PDE4D: variants seen among roughly 807,000 people sequenced by gnomAD.
The protein encoded by PDE4D is phosphodiesterase 4D, also known as 3',5'-cyclic-AMP phosphodiesterase 4D.
In PDE4D, 24 loss-of-function variants were observed where a neutral mutation model predicts 87.4. The observed-to-expected ratio is 0.27, with a 90% CI of 0.20 to 0.39. PDE4D has a LOEUF of 0.39. Among genes scored for constraint, PDE4D ranks in the 10% least tolerant of loss-of-function variants. PDE4D has a pLI of 1.00. For missense variants in PDE4D, 714 were observed against 1,041.0 expected (o/e 0.69, Z 4.32); for synonymous variants, 384 against 383.2 (o/e 1.00, Z -0.02).
chr5:60,001,398 C>A (rs1228325137), intron 2 of PDE4D, among the ~76,000 whole-genome samples: 4 of 152,124 alleles, frequency 2.6e-5, no homozygotes, highest in Admixed American at 6.6e-5. Flanking sequence ...CTGTACCCTG[C>A]AAAGTTAGCC....
intron 2 of PDE4D, among the ~76,000 whole-genome samples, chr5:60,069,409 T>G (rs1399786434): frequency 6.6e-6 from 1 of 152,180 alleles, no homozygotes; most frequent in Non-Finnish European, 1.5e-5. Flanking sequence ...TCCAAACTTC[T>G]GGAACTGTGA....
At chr5:59,956,626 G>A (rs182305481) in intron 3 of PDE4D, among the ~76,000 whole-genome samples, 1 of 152,112 alleles carries the variant, frequency 6.6e-6, no homozygotes, top group Non-Finnish European at 1.5e-5. Flanking sequence ...AATTACAAAA[G>A]AGGCATGCTT....
intron 1 of PDE4D, among the ~76,000 whole-genome samples, chr5:59,693,505 A>AT (rs1751297813): frequency 6.6e-6 from 1 of 152,190 alleles, no homozygotes; most frequent in African/African-American, 2.4e-5. Context: ...TGCAAAGAAA[A>AT]TCACAACTAT....
At chr5:59,272,054 T>C (rs1407416964) in intron 1 of PDE4D, among the ~76,000 whole-genome samples, 1 of 151,972 alleles carries the variant, frequency 6.6e-6, no homozygotes, top group South Asian at 2.1e-4. Context: ...ATAAGTACTA[T>C]TACATATACA....
intron 1 of PDE4D, among the ~76,000 whole-genome samples, chr5:59,268,930 T>G (rs1763310455): frequency 6.6e-6 from 1 of 152,116 alleles, no homozygotes; most frequent in Non-Finnish European, 1.5e-5. Context: ...GACTAACCAT[T>G]CGTATACTCA....
At chr5:59,488,671 ATCT>A (rs1240900055) in intron 1 of PDE4D, among the ~76,000 whole-genome samples, 86 of 129,752 alleles carry the variant, frequency 6.6e-4, no homozygotes, top group Admixed American at 8.4e-4. Flanking sequence ...ACTAGAGATA[ATCT>A]TCTTTTTTTT....
intron 1 of PDE4D, among the ~76,000 whole-genome samples, chr5:60,299,726 T>C (rs1753724175): frequency 6.6e-6 from 1 of 152,216 alleles, no homozygotes; most frequent in African/African-American, 2.4e-5. Context: ...GCAAAGGACA[T>C]GAACTCATCC....
At chr5:60,232,674 T>C (rs1745956093) in intron 1 of PDE4D, among the ~76,000 whole-genome samples, 1 of 151,898 alleles carries the variant, frequency 6.6e-6, no homozygotes, top group African/African-American at 2.4e-5. Flanking sequence ...TAATTATTAC[T>C]AAGCATTTTC....
chr5:59,756,627 C>T lies in PDE4D; in HGVS notation c.455+136541G>A, dbSNP rs377620643. Among the ~76,000 whole-genome samples, 6 of 151,924 alleles carry T rather than the reference C, an allele frequency of 3.9e-5. 1 individual carries two copies. In the South Asian group the frequency reaches 6.2e-4, roughly 16 times the overall value. On this transcript the variant is annotated intron_variant, in intron 1 of 14. Transcript: ENST00000340635. ...TTTCCACTATGGCAATCAAAACCAA[C>T]ATCACCAGGACTTCTAGTCTGGAAG... is the stretch of plus-strand genomic sequence containing the variant.
intron 2 of PDE4D, among the ~76,000 whole-genome samples, chr5:60,140,888 AACTC>A (rs1276493387): frequency 2.6e-5 from 4 of 152,172 alleles, no homozygotes; most frequent in South Asian, 4.1e-4. Flanking sequence ...GAATGTATAA[AACTC>A]ACTCATGTGG....
At chr5:59,868,969 G>A (rs576028689) in intron 1 of PDE4D, among the ~76,000 whole-genome samples, 1 of 152,280 alleles carries the variant, frequency 6.6e-6, no homozygotes, top group East Asian at 1.9e-4. Context: ...TCTTTTGTAA[G>A]GGGCTAACAA....
At chr5:60,107,536 C>G (rs1436342963) in intron 2 of PDE4D, among the ~76,000 whole-genome samples, 2 of 152,114 alleles carry the variant, frequency 1.3e-5, no homozygotes, top group East Asian at 1.9e-4. Flanking sequence ...GATACCAAAG[C>G]CAGGCAGAGA....
chr5:59,622,881 A>G (rs1352009335), intron 1 of PDE4D, among the ~76,000 whole-genome samples: 2 of 152,194 alleles, frequency 1.3e-5, no homozygotes, highest in African/African-American at 2.4e-5. Context: ...AACTCAGCTC[A>G]TATCCCATTA....
chr5:59,184,748 G>C (rs1334087757), intron 4 of PDE4D, among the ~76,000 whole-genome samples: 2 of 152,066 alleles, frequency 1.3e-5, no homozygotes, highest in Non-Finnish European at 2.9e-5. Context: ...GAATGCTGCT[G>C]ATCTGAAAGT....
At position 59,569,187 on chromosome 5, in the gene PDE4D, C is replaced by G. The variant is rs141832827; in HGVS notation, c.455+323981G>C. Among the ~76,000 whole-genome samples, 13 of 152,270 alleles carry G rather than the reference C, an allele frequency of 8.5e-5. No individual in the cohort carries two copies. In the East Asian group the frequency reaches 2.3e-3, roughly 27 times the overall value. On this transcript the variant is annotated intron_variant, in intron 1 of 14. Coordinates refer to ENST00000340635, the MANE Select transcript of PDE4D (RefSeq NM_001104631.2). ...ATACAAACTCTTCTTCACATGTTAACCTCTATCTCCATTTTCTATGTCTAC... is the reference window on the plus strand; with the variant it reads ...ATACAAACTCTTCTTCACATGTTAAGCTCTATCTCCATTTTCTATGTCTAC...
At chr5:59,205,653 AAC>A (rs35509503) in intron 2 of PDE4D, among the ~76,000 whole-genome samples, 5,299 of 136,342 alleles carry the variant, frequency 0.039, 290 homozygotes, top group East Asian at 0.29. Flanking sequence ...CCACTAGCTA[AAC>A]ACACACACAC....
chr5:59,763,716 T>A (rs1174180590), intron 1 of PDE4D, among the ~76,000 whole-genome samples: 1 of 152,096 alleles, frequency 6.6e-6, no homozygotes, highest in African/African-American at 2.4e-5. Context: ...ATAGAGGGAA[T>A]CCCCTACCAG....
At chr5:59,675,324 CATA>C (rs142763776) in intron 1 of PDE4D, among the ~76,000 whole-genome samples, 27,995 of 152,026 alleles carry the variant, frequency 0.18, 3,137 homozygotes, top group South Asian at 0.26. Flanking sequence ...AACTCCCACT[CATA>C]ATGTCACAAC....
At chr5:60,291,995 G>A (rs892884406) in intron 1 of PDE4D, among the ~76,000 whole-genome samples, 4 of 151,888 alleles carry the variant, frequency 2.6e-5, no homozygotes, top group South Asian at 2.1e-4. Flanking sequence ...AGACTTTTTC[G>A]TTACATAGGG....
Sources: gnomAD v4.1 joint callset for allele counts (sites outside exome capture counted in the v4.1 genomes callset) on GRCh38, gnomAD v4.1.1 for gene constraint, MANE v1.5 for transcripts, NCBI Gene and HGNC (gene_info 2026-07-23, HGNC 2026-07-21) for gene names.